The following SLC25A21 variants were observed in gnomAD, a reference collection of about 807,000 sequenced individuals.
SLC25A21 encodes solute carrier family 25 member 21.
A neutral mutation model predicts 43.8 loss-of-function variants in SLC25A21; 47 were observed. The ratio of observed to expected loss-of-function variants is 1.07; its 90% CI spans 0.85 to 1.37. The LOEUF is 1.37. Ranked by LOEUF, SLC25A21 falls within the 40% of genes most tolerant of loss-of-function variation. SLC25A21 has a pLI of 0.00. For synonymous variants in SLC25A21, 131 were observed against 121.3 expected, an observed-to-expected ratio of 1.08 and a Z score of -0.52; for missense variants, 352 against 350.2, an observed-to-expected ratio of 1.00 and a Z score of -0.04.
At chr14:36,715,419 G>A (rs1354990088) in intron 6 of SLC25A21, among the ~76,000 whole-genome samples, 1 of 152,050 alleles carries the variant, frequency 6.6e-6, no homozygotes, top group Non-Finnish European at 1.5e-5. Context: ...TTTGATTATG[G>A]GGCTTCCATT....
chr14:36,678,975 C>T lies in SLC25A21; in HGVS notation c.*1683G>A, dbSNP rs1461298418. On this transcript the variant is annotated 3_prime_UTR_variant, in exon 10 of 10. Transcript: ENST00000331299. ...AAAGATTATTATTGGTTAATGTTGA[C>T]ATATTTCCTCTATCTCATAGATGGT... is the stretch of plus-strand genomic sequence containing the variant. 5 of 981,902 alleles carry T rather than the reference C, an allele frequency of 5.1e-6. No homozygotes were observed. The highest frequency in any genetic ancestry group is 6.0e-6 in the Non-Finnish European group (5 of 827,392). 60.8% of individuals were successfully genotyped at this position (981,902 alleles called of 1,614,324 possible). A position where few individuals can be genotyped will look rare whatever the true frequency, so the allele number is the denominator to read the frequency against.
chr14:36,712,893 T>C (rs1344299695), intron 6 of SLC25A21, among the ~76,000 whole-genome samples: 1 of 152,202 alleles, frequency 6.6e-6, no homozygotes, highest in Non-Finnish European at 1.5e-5. Context: ...ATTTTTTGGT[T>C]TTCAAAAGAG....
intron 2 of SLC25A21, among the ~76,000 whole-genome samples, chr14:36,825,338 A>G (rs55837926): frequency 0.012 from 1,759 of 152,288 alleles, 21 homozygotes; most frequent in African/African-American, 0.039. Flanking sequence ...CGCATACTCA[A>G]AAGAGATCCA....
intron 1 of SLC25A21, among the ~76,000 whole-genome samples, chr14:37,140,608 A>G (rs1312103489): frequency 6.6e-6 from 1 of 152,234 alleles, no homozygotes; most frequent in Non-Finnish European, 1.5e-5. Context: ...AATCATTTTG[A>G]TCATCAACAA....
At chr14:36,738,443 T>C (rs1271272698) in intron 3 of SLC25A21, among the ~76,000 whole-genome samples, 2 of 152,228 alleles carry the variant, frequency 1.3e-5, no homozygotes, top group Non-Finnish European at 2.9e-5. Flanking sequence ...GTTAAGAGAT[T>C]GGTGACACCC....
intron 1 of SLC25A21, among the ~76,000 whole-genome samples, chr14:37,074,314 T>C (rs10483486): frequency 0.25 from 37,287 of 151,932 alleles, 4,981 homozygotes; most frequent in Non-Finnish European, 0.29. Flanking sequence ...ATACAACTTA[T>C]ACCACTATTG....
intron 1 of SLC25A21, among the ~76,000 whole-genome samples, chr14:37,096,037 T>A (rs753159806): frequency 3.3e-5 from 5 of 152,118 alleles, no homozygotes; most frequent in Non-Finnish European, 5.9e-5. Flanking sequence ...TTCTATTAAA[T>A]TGTTCAAAAA....
Position 37,171,112 on chromosome 14 carries a change from G to GGGGGA in SLC25A21, c.70+1164_70+1168dup, listed in dbSNP as rs1204971184. ...GAGAGACTCCATCGAAAAGAAAAAGGGGGGAGGGGAGGGGAGGGGAGGGGA... is the reference window on the plus strand; with the variant it reads ...GAGAGACTCCATCGAAAAGAAAAAGGGGGGAGGGGAGGGGAGGGGAGGGGAGGGGA... On this transcript the variant is annotated intron_variant, in intron 1 of 9. Transcript: ENST00000331299. Among the ~76,000 whole-genome samples, 270 of 93,508 alleles carry GGGGGA rather than the reference G, an allele frequency of 2.9e-3. 2 individuals carry two copies. The highest frequency in any genetic ancestry group is 4.0e-3 in the Non-Finnish European group (176 of 44,104). The allele number at this position is 93,508 out of a possible 152,430, so 61.3% of individuals were successfully genotyped here. A position where few individuals can be genotyped will look rare whatever the true frequency, so the allele number is the denominator to read the frequency against.
intron 2 of SLC25A21, among the ~76,000 whole-genome samples, chr14:36,835,353 A>C (rs933081664): frequency 9.2e-5 from 14 of 152,152 alleles, no homozygotes; most frequent in Non-Finnish European, 1.8e-4. Flanking sequence ...TTTCAATATA[A>C]TGTGAGCCAG....
chr14:37,044,770 A>T (rs1351883063), intron 1 of SLC25A21, among the ~76,000 whole-genome samples: 1 of 152,164 alleles, frequency 6.6e-6, no homozygotes, highest in Non-Finnish European at 1.5e-5. Context: ...TATTCTCCTA[A>T]CCCTGTCTTG....
chr14:37,137,183 G>C (rs1963496579), intron 1 of SLC25A21, among the ~76,000 whole-genome samples: 1 of 152,128 alleles, frequency 6.6e-6, no homozygotes, highest in Non-Finnish European at 1.5e-5. Context: ...ATTTTTAGTA[G>C]AGACGGGGTT....
chr14:36,920,507 G>A (rs1319475599), intron 1 of SLC25A21, among the ~76,000 whole-genome samples: 1 of 151,968 alleles, frequency 6.6e-6, no homozygotes. Context: ...TTGAGAAGGT[G>A]CTGTGTATCT....
At chr14:36,914,545 A>G (rs1159764757) in intron 1 of SLC25A21, among the ~76,000 whole-genome samples, 1 of 152,182 alleles carries the variant, frequency 6.6e-6, no homozygotes, top group Non-Finnish European at 1.5e-5. Flanking sequence ...GATCTTTGAT[A>G]TTTAAGACCA....
intron 1 of SLC25A21, among the ~76,000 whole-genome samples, chr14:37,139,851 A>C (rs1963541845): frequency 6.6e-6 from 1 of 152,252 alleles, no homozygotes; most frequent in African/African-American, 2.4e-5. Context: ...TAATTCACCA[A>C]CAGGATATCT....
chr14:37,140,191 G>A (rs187404966), intron 1 of SLC25A21, among the ~76,000 whole-genome samples: 3 of 152,206 alleles, frequency 2.0e-5, no homozygotes, highest in East Asian at 1.9e-4. Context: ...CTTATATCCC[G>A]AAGTTGCTAA....
chr14:36,712,830 C>G (rs1430912305), intron 6 of SLC25A21, among the ~76,000 whole-genome samples: 2 of 152,162 alleles, frequency 1.3e-5, no homozygotes, highest in African/African-American at 4.8e-5. Flanking sequence ...TTCTGTTTGA[C>G]AACATGAGAT....
intron 6 of SLC25A21, among the ~76,000 whole-genome samples, chr14:36,713,148 G>T (rs994599722): frequency 6.6e-6 from 1 of 152,162 alleles, no homozygotes; most frequent in Non-Finnish European, 1.5e-5. Context: ...AGGGCATGAG[G>T]GCGGAGGAGC....
intron 1 of SLC25A21, among the ~76,000 whole-genome samples, chr14:36,937,176 G>A (rs889972679): frequency 8.5e-5 from 13 of 152,306 alleles, no homozygotes; most frequent in African/African-American, 2.6e-4. Flanking sequence ...TAAGCCGGGC[G>A]ATGCTGAAGG....
At chr14:37,155,813 C>T (rs1412607672) in intron 1 of SLC25A21, among the ~76,000 whole-genome samples, 1 of 152,016 alleles carries the variant, frequency 6.6e-6, no homozygotes, top group Non-Finnish European at 1.5e-5. Flanking sequence ...AAGAAATGGT[C>T]AAGGGAGTCC....
Sources: allele counts gnomAD v4.1 joint callset (sites outside exome capture counted in the v4.1 genomes callset), GRCh38; gene constraint gnomAD v4.1.1; transcripts MANE v1.5; gene names NCBI Gene and HGNC (gene_info 2026-07-23, HGNC 2026-07-21).